ZNRF1: variants seen among roughly 807,000 people sequenced by gnomAD.
ZNRF1 encodes the protein zinc and ring finger 1, also known as E3 ubiquitin-protein ligase ZNRF1.
ZNRF1 carries 3 observed loss-of-function variants against 18.4 expected under a neutral mutation model. The observed-to-expected ratio is 0.16, with a 90% CI of 0.07 to 0.42. The LOEUF (loss-of-function observed/expected upper bound fraction) is 0.42, where lower values mean the gene tolerates loss of function less well. Ranked by LOEUF, ZNRF1 falls within the 10% of genes least tolerant of loss-of-function variation. The probability of loss-of-function intolerance (pLI) is 0.99; values close to 1 mark genes in which losing one functional copy is unlikely to be tolerated. For missense variants in ZNRF1, 310 were observed against 329.8 expected (o/e 0.94, Z 0.47); for synonymous variants, 157 against 144.2 (o/e 1.09, Z -0.64).
chr16:75,036,640 T>C (rs545781374), intron 1 of ZNRF1, among the ~76,000 whole-genome samples: 7 of 151,350 alleles, frequency 4.6e-5, no homozygotes, highest in Admixed American at 2.0e-4. Flanking sequence ...TTTGGCCGGG[T>C]GGACAACCTG....
At chr16:75,013,728 A>G (rs987954908) in intron 1 of ZNRF1, among the ~76,000 whole-genome samples, 4 of 152,170 alleles carry the variant, frequency 2.6e-5, no homozygotes, top group Admixed American at 6.5e-5. Flanking sequence ...TGCTATTTCA[A>G]TTTGGTTCAC....
chr16:75,041,368 C>T (rs1208683002), intron 1 of ZNRF1, among the ~76,000 whole-genome samples: 3 of 151,952 alleles, frequency 2.0e-5, no homozygotes, highest in African/African-American at 2.4e-5. Context: ...CTCACCCTGT[C>T]GCCCAGGCTA....
chr16:75,043,664 C>T (rs1443141049), intron 1 of ZNRF1, among the ~76,000 whole-genome samples: 2 of 151,854 alleles, frequency 1.3e-5, no homozygotes, highest in African/African-American at 4.8e-5. Flanking sequence ...ATAAAAGAGA[C>T]AGTATATGGC....
chr16:75,070,802 G>A (rs924440228), intron 1 of ZNRF1, among the ~76,000 whole-genome samples: 2 of 152,160 alleles, frequency 1.3e-5, no homozygotes, highest in African/African-American at 4.8e-5. Context: ...TCATGTGTCT[G>A]CTTCCTTCAT....
intron 2 of ZNRF1, 92 bp downstream of exon 2, chr16:75,093,759 G>A: frequency 9.7e-7 from 1 of 1,027,428 alleles, no homozygotes; most frequent in Admixed American, 1.9e-5. Context: ...GGTGGTTCTG[G>A]GCAGTATTTT....
intron 1 of ZNRF1, among the ~76,000 whole-genome samples, chr16:75,041,311 T>C (rs2035444290): frequency 6.6e-6 from 1 of 152,038 alleles, no homozygotes; most frequent in African/African-American, 2.4e-5. Flanking sequence ...GGTACCACAT[T>C]GTGATTTTAA....
chr16:75,058,155 C>T (rs762635977), intron 1 of ZNRF1, among the ~76,000 whole-genome samples: 3 of 145,276 alleles, frequency 2.1e-5, no homozygotes, highest in East Asian at 2.0e-4. Context: ...ATTTTAGAGA[C>T]GGGGGGGTGG....
intron 1 of ZNRF1, among the ~76,000 whole-genome samples, chr16:75,068,821 C>T (rs377589842): frequency 2.0e-5 from 3 of 152,056 alleles, no homozygotes; most frequent in Non-Finnish European, 4.4e-5. Flanking sequence ...AGCCAAGGCC[C>T]GAGAACACAC....
At chr16:75,087,540 GTCTCCATTAGAAGGAC>G (rs929803045) in intron 1 of ZNRF1, among the ~76,000 whole-genome samples, 5 of 152,208 alleles carry the variant, frequency 3.3e-5, no homozygotes, top group Non-Finnish European at 7.3e-5. Flanking sequence ...AGGAAACCAG[GTCTCCATTAGAAGGAC>G]TCTCTTGGCT....
intron 1 of ZNRF1, among the ~76,000 whole-genome samples, chr16:75,090,003 T>C (rs575719374): frequency 1.3e-5 from 2 of 152,330 alleles, no homozygotes; most frequent in South Asian, 4.1e-4. Flanking sequence ...AGTGAGAGTG[T>C]CAGGGCCTGG....
chr16:75,041,420 C>T (rs987437776), intron 1 of ZNRF1, among the ~76,000 whole-genome samples: 3 of 152,268 alleles, frequency 2.0e-5, no homozygotes, highest in East Asian at 3.9e-4. Flanking sequence ...GCCTCTGCCT[C>T]CTGGGTTCAA....
At chr16:75,106,417 A>G in intron 3 of ZNRF1, 65 bp from the exon 4 acceptor site, 1 of 1,579,350 alleles carries the variant, frequency 6.3e-7, no homozygotes, top group African/African-American at 1.3e-5. Context: ...GCCCTCTGAA[A>G]GAGCCCCTTC....
chr16:75,050,870 C>CAAAAAAAAAA (rs1165011147), intron 1 of ZNRF1, among the ~76,000 whole-genome samples: 6 of 9,216 alleles, frequency 6.5e-4, no homozygotes, highest in African/African-American at 1.2e-3. Context: ...GACTCCGTCT[C>CAAAAAAAAAA]AAAAAAAAAA....
chr16:75,084,944 A>G (rs2036056557), intron 1 of ZNRF1, among the ~76,000 whole-genome samples: 1 of 152,208 alleles, frequency 6.6e-6, no homozygotes, highest in Non-Finnish European at 1.5e-5. Flanking sequence ...TGTTCATTTC[A>G]TTTTATTGCA....
intron 1 of ZNRF1, among the ~76,000 whole-genome samples, chr16:75,057,731 G>A (rs2035685893): frequency 6.6e-6 from 1 of 152,214 alleles, no homozygotes; most frequent in Non-Finnish European, 1.5e-5. Flanking sequence ...CGTCTCCCGG[G>A]TTCAAGTGAT....
chr16:75,065,747 CT>C (rs925302937), intron 1 of ZNRF1, among the ~76,000 whole-genome samples: 1 of 151,998 alleles, frequency 6.6e-6, no homozygotes, highest in African/African-American at 2.4e-5. Context: ...CTATAACTTG[CT>C]TTTTTTTCCC....
intron 1 of ZNRF1, among the ~76,000 whole-genome samples, chr16:75,069,368 C>T (rs1417498684): frequency 1.3e-5 from 2 of 152,196 alleles, no homozygotes; most frequent in African/African-American, 4.8e-5. Flanking sequence ...GGTTTCCCCT[C>T]AGGCTTAGTC....
intron 1 of ZNRF1, among the ~76,000 whole-genome samples, chr16:75,035,401 A>C (rs2035365110): frequency 6.6e-6 from 1 of 152,136 alleles, no homozygotes; most frequent in South Asian, 2.1e-4. Context: ...TTACTCTGTC[A>C]CCCAACTGCA....
chr16:75,061,858 CAG>C (rs1345782870), intron 1 of ZNRF1, among the ~76,000 whole-genome samples: 1 of 152,194 alleles, frequency 6.6e-6, no homozygotes, highest in African/African-American at 2.4e-5. Context: ...TGCTTTGCGT[CAG>C]CTTCTGACCT....
Sources: gnomAD v4.1 joint callset for allele counts (sites outside exome capture counted in the v4.1 genomes callset) on GRCh38, gnomAD v4.1.1 for gene constraint, MANE v1.5 for transcripts, NCBI Gene and HGNC (gene_info 2026-07-23, HGNC 2026-07-21) for gene names.